The following LCT variants were observed in gnomAD, a reference collection of about 807,000 sequenced individuals.
LCT encodes lactase, also known as lactase/phlorizin hydrolase.
A neutral mutation model predicts 173.0 loss-of-function variants in LCT; 90 were observed. The observed-to-expected ratio is 0.52, with a 90% CI of 0.44 to 0.62. LCT has a LOEUF of 0.62. LCT is among the 20% of genes least tolerant of loss of function. The pLI is 0.00. For missense variants in LCT, 1,864 were observed against 2,431.4 expected, an observed-to-expected ratio of 0.77 and a Z score of 4.91; for synonymous variants, 853 against 957.6, an observed-to-expected ratio of 0.89 and a Z score of 2.02.
intron 6 of LCT, among the ~76,000 whole-genome samples, chr2:135,814,067 CG>C (rs2077758065): frequency 6.6e-6 from 1 of 152,200 alleles, no homozygotes; most frequent in South Asian, 2.1e-4. Context: ...TGATTAAATA[CG>C]TGTATATAAA....
intron 3 of LCT, among the ~76,000 whole-genome samples, chr2:135,824,992 CAAAAAAA>C (rs5834449): frequency 4.5e-5 from 5 of 110,178 alleles, no homozygotes; most frequent in African/African-American, 6.7e-5. Flanking sequence ...GGCTCCATCT[CAAAAAAA>C]AAAAAAAAAA....
intron 3 of LCT, among the ~76,000 whole-genome samples, chr2:135,824,636 C>T (rs1446794974): frequency 6.6e-6 from 1 of 152,198 alleles, no homozygotes; most frequent in African/African-American, 2.4e-5. Context: ...ATAGCTCTTG[C>T]AGCTGGAGAT....
chr2:135,829,127 G>T (rs914253008), intron 3 of LCT, among the ~76,000 whole-genome samples: 3 of 151,952 alleles, frequency 2.0e-5, no homozygotes, highest in Non-Finnish European at 2.9e-5. Context: ...GGAGGTGGAG[G>T]CTGCAGTGAG....
chr2:135,813,250 G>A (rs2077750789), intron 6 of LCT, among the ~76,000 whole-genome samples: 1 of 151,744 alleles, frequency 6.6e-6, no homozygotes, highest in African/African-American at 2.4e-5. Flanking sequence ...AGTCAACAAT[G>A]TCAAGAAATC....
At chr2:135,835,029 A>C (rs2077974350) in intron 1 of LCT, among the ~76,000 whole-genome samples, 1 of 152,132 alleles carries the variant, frequency 6.6e-6, no homozygotes, top group Non-Finnish European at 1.5e-5. Flanking sequence ...AAGAATGCAG[A>C]TCTTTTCACC....
chr2:135,806,111 G>A (rs528444290), intron 9 of LCT, among the ~76,000 whole-genome samples: 59 of 152,150 alleles, frequency 3.9e-4, no homozygotes, highest in Non-Finnish European at 5.4e-4. Context: ...TCAGCCTCCC[G>A]AGTAGCTGGG....
At chr2:135,800,925 A>T in intron 11 of LCT, 116 bp from the exon 12 acceptor site, 2 of 800,020 alleles carry the variant, frequency 2.5e-6, no homozygotes, top group Non-Finnish European at 4.2e-6. Context: ...GTAGATTCTG[A>T]CACTAGGAAA....
chr2:135,792,237 C>T (rs1349616301), intron 14 of LCT, among the ~76,000 whole-genome samples: 1 of 152,214 alleles, frequency 6.6e-6, no homozygotes, highest in African/African-American at 2.4e-5. Context: ...CCTGTAGCCA[C>T]TCCCTGTCCC....
At chr2:135,790,000 G>C (rs938791423) in intron 15 of LCT, among the ~76,000 whole-genome samples, 11 of 152,190 alleles carry the variant, frequency 7.2e-5, no homozygotes, top group Admixed American at 6.5e-4. Flanking sequence ...TGGAGATGTA[G>C]AGCCACCAGC....
intron 12 of LCT, among the ~76,000 whole-genome samples, chr2:135,799,366 T>G (rs145659207): frequency 7.9e-5 from 12 of 152,264 alleles, no homozygotes; most frequent in Non-Finnish European, 1.5e-4. Context: ...TATCCCTTTC[T>G]AGGAGGAGCC....
rs72972164 is a variant in LCT at position 135,836,390 on chromosome 2, T to C, written c.640+140A>G. The stretch of plus-strand genomic sequence containing the variant: ...TCGCCAGTGGGAAATCAATTTACAA[T>C]ATTAATTTCTCCCTATGCACAGACA... On this transcript the variant is annotated intron_variant, in intron 1 of 16. Transcript: ENST00000264162. 8,115 of 806,910 alleles carry C rather than the reference T, an allele frequency of 0.01. 500 individuals are homozygous for C. In the African/African-American group the frequency reaches 0.12, roughly 12 times the overall value. The allele number at this position is 806,910 out of a possible 1,614,324, so 50.0% of individuals were successfully genotyped here. A position where few individuals can be genotyped will look rare whatever the true frequency, so the allele number is the denominator to read the frequency against.
intron 14 of LCT, among the ~76,000 whole-genome samples, chr2:135,792,780 C>T (rs1434023409): frequency 6.6e-6 from 1 of 152,150 alleles, no homozygotes; most frequent in Non-Finnish European, 1.5e-5. Context: ...CCTAATGCTG[C>T]CCCAACCTGA....
At chr2:135,800,339 C>T (rs1199256889) in intron 12 of LCT, among the ~76,000 whole-genome samples, 2 of 152,140 alleles carry the variant, frequency 1.3e-5, no homozygotes, top group Admixed American at 6.6e-5. Context: ...CTCAAGCTCC[C>T]ACCTTAGCCT....
rs1034045687 is a variant in LCT at position 135,790,302 on chromosome 2, G to A, written c.5335+356C>T. Among the ~76,000 whole-genome samples, 3 of 152,062 alleles carry A rather than the reference G, an allele frequency of 2.0e-5. No individual in the cohort carries two copies. The highest frequency in any genetic ancestry group is 2.1e-4 in the South Asian group (1 of 4,814). ...AGCCAAGAGCCTCAAACTTTTGCTC[G>A]GAGACTAAGAGACCCTACAGGCAAC... On this transcript the variant is annotated intron_variant, in intron 15 of 16. Transcript: ENST00000264162. The surrounding 1 kb of genome is among the most constrained non-coding windows in gnomAD (Gnocchi z 4.1).
chr2:135,796,432 T>C (rs532133300), intron 13 of LCT, among the ~76,000 whole-genome samples: 3 of 152,316 alleles, frequency 2.0e-5, no homozygotes, highest in Non-Finnish European at 4.4e-5. Context: ...CCCTCCACCA[T>C]GTGGCCTCAG....
chr2:135,813,229 C>A (rs1319572190), intron 6 of LCT, among the ~76,000 whole-genome samples: 1 of 149,140 alleles, frequency 6.7e-6, no homozygotes, highest in East Asian at 2.9e-4. Context: ...CTGATACTAA[C>A]AATGTCAACA....
intron 5 of LCT, chr2:135,820,707 C>T (rs970706041): frequency 1.3e-5 from 2 of 152,164 alleles, no homozygotes; most frequent in Non-Finnish European, 2.9e-5. Context: ...TTTGTCCCAC[C>T]CTAAGGGATG....
chr2:135,792,662 G>A (rs777907463), intron 14 of LCT, among the ~76,000 whole-genome samples: 10 of 152,168 alleles, frequency 6.6e-5, no homozygotes, highest in Non-Finnish European at 1.5e-4. Context: ...AGCAGAGGAA[G>A]CCATAATACC....
intron 3 of LCT, among the ~76,000 whole-genome samples, chr2:135,828,506 G>A (rs1370036796): frequency 2.6e-5 from 4 of 152,140 alleles, no homozygotes; most frequent in Non-Finnish European, 5.9e-5. Flanking sequence ...TCCAATGTGG[G>A]TGCATACCAG....
Sources: gnomAD v4.1 joint callset for allele counts (sites outside exome capture counted in the v4.1 genomes callset) on GRCh38, gnomAD v4.1.1 for gene constraint, Gnocchi (gnomAD v3.1) non-coding constraint, MANE v1.5 for transcripts, NCBI Gene and HGNC (gene_info 2026-07-23, HGNC 2026-07-21) for gene names.